NEXMIF: variants seen among roughly 807,000 people sequenced by gnomAD.
NEXMIF encodes the protein neurite extension and migration factor, also known as XLMR protein related to neurite extension.
In NEXMIF, 8 loss-of-function variants were observed where a neutral mutation model predicts 62.1. The observed-to-expected ratio is 0.13, with a 90% CI of 0.08 to 0.23. The LOEUF is 0.23. NEXMIF is among the 10% of genes least tolerant of loss of function. NEXMIF has a pLI of 1.00. For missense variants in NEXMIF, 976 were observed against 1,113.3 expected (o/e 0.88, Z 1.75); for synonymous variants, 404 against 416.6 (o/e 0.97, Z 0.37).
At chrX:74,780,411 C>G (rs2080242854) in intron 1 of NEXMIF, among the ~76,000 whole-genome samples, 1 of 106,894 alleles carries the variant, frequency 9.4e-6, no homozygotes, top group African/African-American at 3.4e-5. Flanking sequence ...GGGTCTGGCT[C>G]TGTCACCCAG....
chrX:74,862,740 G>A (rs1223769310), intron 1 of NEXMIF, among the ~76,000 whole-genome samples: 1 of 111,708 alleles, frequency 9.0e-6, no homozygotes, highest in African/African-American at 3.3e-5. Context: ...AATGACTACT[G>A]GGTAAATAAA....
intron 1 of NEXMIF, among the ~76,000 whole-genome samples, chrX:74,766,857 G>A (rs1416147108): frequency 8.9e-6 from 1 of 112,014 alleles, no homozygotes; most frequent in Non-Finnish European, 1.9e-5. Context: ...CTGTGTGTGG[G>A]TCTTCCTTTC....
chrX:74,826,605 A>G (rs1244425288), intron 1 of NEXMIF, among the ~76,000 whole-genome samples: 1 of 111,702 alleles, frequency 9.0e-6, no homozygotes. Flanking sequence ...CTGTGAAGAA[A>G]GTTTTTAGTT....
chrX:74,885,780 C>A (rs1429411884), intron 1 of NEXMIF, among the ~76,000 whole-genome samples: 1 of 111,653 alleles, frequency 9.0e-6, no homozygotes, highest in African/African-American at 3.3e-5. Flanking sequence ...AAGAGGGAAT[C>A]CTCCCTAACT....
At chrX:74,884,615 G>A (rs777663215) in intron 1 of NEXMIF, among the ~76,000 whole-genome samples, 4 of 111,492 alleles carry the variant, frequency 3.6e-5, no homozygotes, top group South Asian at 3.8e-4. Context: ...ATATATATGC[G>A]CACAATACAG....
intron 1 of NEXMIF, among the ~76,000 whole-genome samples, chrX:74,839,596 T>C: frequency 9.0e-6 from 1 of 111,539 alleles, no homozygotes; most frequent in Non-Finnish European, 1.9e-5. Flanking sequence ...CCCCAGTGTC[T>C]GTTGTTTCCT....
At chrX:74,854,092 C>T (rs1352937519) in intron 1 of NEXMIF, among the ~76,000 whole-genome samples, 2 of 111,547 alleles carry the variant, frequency 1.8e-5, no homozygotes, top group Admixed American at 9.5e-5. Flanking sequence ...GCACCATTGC[C>T]CTAATACCAA....
At chrX:74,788,371 T>C (rs72630724) in intron 1 of NEXMIF, among the ~76,000 whole-genome samples, 15,028 of 111,322 alleles carry the variant, frequency 0.13, 1,630 homozygotes, top group East Asian at 0.91. Context: ...TCATTCATAT[T>C]TGTATGATGT....
In NEXMIF at chrX:74,736,312, A is replaced by G. The variant is rs1390051992; in HGVS notation, c.*3093T>C. Reference sequence around the variant, plus strand: ...ATTGTTGAGCCCTGACAATTTGGGCAGGTGGGATATGAGACCATAAAAGAA... The same window carrying G: ...ATTGTTGAGCCCTGACAATTTGGGCGGGTGGGATATGAGACCATAAAAGAA... On this transcript the variant is annotated 3_prime_UTR_variant, in exon 4 of 4. Coordinates refer to ENST00000055682, the MANE Select transcript of NEXMIF (RefSeq NM_001008537.3). 9.0e-6 allele frequency: 1 copy of G among 111,625 alleles called. No homozygotes were observed. The highest frequency in any genetic ancestry group is 1.9e-5 in the Non-Finnish European group (1 of 53,091). 9.2% of individuals were successfully genotyped at this position (111,625 alleles called of 1,213,427 possible).
intron 1 of NEXMIF, among the ~76,000 whole-genome samples, chrX:74,843,702 C>T (rs1306067123): frequency 8.9e-6 from 1 of 112,216 alleles, no homozygotes; most frequent in East Asian, 2.8e-4. Context: ...GCGTGAGCCA[C>T]CGTGCCCAGC....
chrX:74,857,204 AC>A (rs916733504), intron 1 of NEXMIF, among the ~76,000 whole-genome samples: 1 of 111,945 alleles, frequency 8.9e-6, no homozygotes, highest in Admixed American at 9.5e-5. Context: ...TGCTTGCACC[AC>A]CACTACCCAA....
chrX:74,896,387 A>T (rs936474803), intron 1 of NEXMIF, among the ~76,000 whole-genome samples: 3 of 112,252 alleles, frequency 2.7e-5, no homozygotes, highest in African/African-American at 9.7e-5. Flanking sequence ...TGCCACAGAT[A>T]TCTGACTGTT....
At chrX:74,794,759 C>T (rs1168897039) in intron 1 of NEXMIF, among the ~76,000 whole-genome samples, 1 of 111,671 alleles carries the variant, frequency 9.0e-6, no homozygotes, top group Non-Finnish European at 1.9e-5. Context: ...TCCGTCACCC[C>T]TTTCTTTGAC....
intron 1 of NEXMIF, among the ~76,000 whole-genome samples, chrX:74,757,802 C>G (rs1412239693): frequency 9.0e-6 from 1 of 111,262 alleles, no homozygotes; most frequent in Admixed American, 9.6e-5. Context: ...AGTTTCTTGA[C>G]TAAAGTGTTC....
chrX:74,885,666 A>T (rs1435235450), intron 1 of NEXMIF, among the ~76,000 whole-genome samples: 1 of 111,835 alleles, frequency 8.9e-6, no homozygotes, highest in Admixed American at 9.5e-5. Context: ...TAGCTTACCA[A>T]CCAAAAAAAG....
intron 1 of NEXMIF, among the ~76,000 whole-genome samples, chrX:74,887,930 A>G (rs1353568202): frequency 8.9e-6 from 1 of 112,445 alleles, no homozygotes; most frequent in East Asian, 2.8e-4. Flanking sequence ...GATTAAGAAA[A>G]TGTGGCACAT....
At chrX:74,850,807 A>G (rs1379318742) in intron 1 of NEXMIF, among the ~76,000 whole-genome samples, 1 of 110,836 alleles carries the variant, frequency 9.0e-6, no homozygotes, top group Non-Finnish European at 1.9e-5. Context: ...CACAAGAAAC[A>G]TGAAAAAGCA....
At chrX:74,801,552 C>G (rs1447768300) in intron 1 of NEXMIF, among the ~76,000 whole-genome samples, 1 of 111,370 alleles carries the variant, frequency 9.0e-6, no homozygotes, top group Non-Finnish European at 1.9e-5. Flanking sequence ...ACTGAAGAGC[C>G]CTTGAGTTAC....
In NEXMIF at chrX:74,741,771, G is replaced by A. The variant is rs370164571; in HGVS notation, c.2786C>T (p.Thr929Ile). The change falls in exon 3 of 4, where the codon ACA (threonine) becomes ATA (isoleucine). Residue 929 changes from threonine (T) to isoleucine (I), a missense_variant. Thr to Ile is a moderately conservative substitution (Grantham distance 89, BLOSUM62 -1). Coordinates refer to ENST00000055682, the MANE Select transcript of NEXMIF (RefSeq NM_001008537.3). Reference protein sequence around the residue: ...SQVVSMENNLTPTTYNPICLN... With the variant: ...SQVVSMENNLIPTTYNPICLN... The stretch of plus-strand genomic sequence containing the variant: ...ACAGATTGGATTGTATGTTGTAGGT[G>A]TGAGGTTATTTTCCATGGAGACTAC... 14 of 1,210,311 alleles carry A rather than the reference G, an allele frequency of 1.2e-5. No homozygotes were observed. The highest frequency in any genetic ancestry group is 1.5e-5 in the Non-Finnish European group (13 of 895,124).
Sources: gnomAD v4.1 joint callset for allele counts (sites outside exome capture counted in the v4.1 genomes callset) on GRCh38, gnomAD v4.1.1 for gene constraint, MANE v1.5 for transcripts, NCBI Gene and HGNC (gene_info 2026-07-23, HGNC 2026-07-21) for gene names.